Variants in ZNF407 observed in about 807,000 individuals in gnomAD.
ZNF407 encodes zinc finger protein 407.
A neutral mutation model predicts 131.2 loss-of-function variants in ZNF407; 17 were observed. That is an observed-to-expected ratio of 0.13 (90% CI 0.09 to 0.19). The LOEUF (loss-of-function observed/expected upper bound fraction) is 0.19, where lower values mean the gene tolerates loss of function less well. ZNF407 is among the 10% of genes least tolerant of loss of function. The pLI, the probability that ZNF407 is intolerant of heterozygous loss-of-function variation, is 1.00. For missense variants in ZNF407, 2,681 were observed against 2,830.6 expected (o/e 0.95, Z 1.20); for synonymous variants, 1,156 against 1,062.0 (o/e 1.09, Z -1.72).
rs1568134220 is a variant in ZNF407 at position 74,633,377 on chromosome 18, A to G, written c.2358A>G (p.Lys786=). 6.2e-7 allele frequency: 1 copy of G among 1,614,010 alleles called. No homozygotes were observed. The highest frequency in any genetic ancestry group is 8.5e-7 in the Non-Finnish European group (1 of 1,179,900). The change falls in exon 2 of 9, where the codon AAA becomes AAG. Residue 786 remains lysine (K), a synonymous_variant. Coordinates refer to ENST00000299687, the MANE Select transcript of ZNF407 (RefSeq NM_017757.3). ...TATGTATAGGTGCAAATGATAAAAAAGAAGAGTTTGATGTTTCCGGAAATG... is the reference window on the plus strand; with the variant it reads ...TATGTATAGGTGCAAATGATAAAAAGGAAGAGTTTGATGTTTCCGGAAATG... ...ERVCIGANDK[K]EEFDVSGNGR...
chr18:74,865,902 A>G (rs1971003978), intron 4 of ZNF407, among the ~76,000 whole-genome samples: 1 of 152,212 alleles, frequency 6.6e-6, no homozygotes, highest in Admixed American at 6.5e-5. Flanking sequence ...TTTCATTGCC[A>G]GTTACCTCAA....
chr18:74,921,529 A>G (rs1203717256), intron 8 of ZNF407, among the ~76,000 whole-genome samples: 1 of 152,192 alleles, frequency 6.6e-6, no homozygotes, highest in Non-Finnish European at 1.5e-5. Flanking sequence ...GGGACCTGTT[A>G]GAGTTGCTTT....
In ZNF407 at chr18:74,631,953, G is replaced by T. The variant is rs773572221; in HGVS notation, c.934G>T (p.Ala312Ser). Residue 312 changes from alanine (A) to serine (S), a missense_variant, in exon 2 of 9, where the codon GCA becomes TCA. Transcript: ENST00000299687. The stretch of plus-strand genomic sequence containing the variant: ...AAAACCAAGAACTTCTAAATCAATA[G>T]CAAAGAATAGTGATTCAAAAGGATT... ...HSKPRTSKSI[A>S]KNSDSKGLRN... The T allele has an allele frequency of 1.2e-6, 2 of 1,613,784 alleles. No individual in the cohort carries two copies. Among genetic ancestry groups the T allele is most frequent in the African/African-American group, 2.7e-5 (2 of 74,918 alleles).
chr18:75,017,816 G>A (rs889800479), intron 8 of ZNF407, among the ~76,000 whole-genome samples: 3 of 152,078 alleles, frequency 2.0e-5, no homozygotes, highest in African/African-American at 7.2e-5. Flanking sequence ...AGCCAAAGTT[G>A]TTCTTCTGAA....
At chr18:74,622,898 CTG>C (rs1568373399) in intron 1 of ZNF407, among the ~76,000 whole-genome samples, 1 of 151,716 alleles carries the variant, frequency 6.6e-6, no homozygotes. Flanking sequence ...AAGTGCGTGT[CTG>C]TTTTAGTGTG....
intron 8 of ZNF407, among the ~76,000 whole-genome samples, chr18:74,979,462 T>G (rs1972564205): frequency 6.6e-6 from 1 of 152,194 alleles, no homozygotes; most frequent in Admixed American, 6.5e-5. Context: ...TGACTAATTT[T>G]TGTATTTTTA....
intron 1 of ZNF407, among the ~76,000 whole-genome samples, chr18:74,611,895 T>C (rs1354820285): frequency 6.6e-6 from 1 of 152,146 alleles, no homozygotes; most frequent in Admixed American, 6.5e-5. Flanking sequence ...ATGAAAGGTA[T>C]TACCCTAGAG....
At chr18:74,838,325 C>A (rs2145127596) in intron 4 of ZNF407, among the ~76,000 whole-genome samples, 1 of 152,268 alleles carries the variant, frequency 6.6e-6, no homozygotes, top group South Asian at 2.1e-4. Context: ...GGACCTCATG[C>A]CACTGAATGT....
intron 3 of ZNF407, among the ~76,000 whole-genome samples, chr18:74,704,079 T>A (rs1283524691): frequency 1.3e-5 from 2 of 152,192 alleles, no homozygotes; most frequent in Non-Finnish European, 2.9e-5. Flanking sequence ...TCATCTCATG[T>A]GTCCTCCAAG....
chr18:74,806,752 A>G (rs937052380), intron 4 of ZNF407, among the ~76,000 whole-genome samples: 5 of 152,212 alleles, frequency 3.3e-5, no homozygotes, highest in Non-Finnish European at 5.9e-5. Context: ...TATTCAACTA[A>G]AAATATAAGG....
At chr18:74,640,327 G>A (rs1984653957) in intron 2 of ZNF407, among the ~76,000 whole-genome samples, 1 of 151,940 alleles carries the variant, frequency 6.6e-6, no homozygotes, top group African/African-American at 2.4e-5. Context: ...TATGCTTTTT[G>A]TGTTGAAATA....
At chr18:74,898,609 G>A (rs1232168318) in intron 7 of ZNF407, among the ~76,000 whole-genome samples, 1 of 151,714 alleles carries the variant, frequency 6.6e-6, no homozygotes, top group Non-Finnish European at 1.5e-5. Context: ...AATTATTATG[G>A]CCTGAATCTT....
In ZNF407 at chr18:75,039,374, G is replaced by A. The variant is rs536767655; in HGVS notation, c.5429-23776G>A. Among the ~76,000 whole-genome samples the A allele has an allele frequency of 3.9e-5, 6 of 152,226 alleles. No individual in the cohort carries two copies. In the South Asian group the frequency reaches 8.3e-4, roughly 21 times the overall value. On this transcript the variant is annotated intron_variant, in intron 8 of 8. Coordinates refer to ENST00000299687, the MANE Select transcript of ZNF407 (RefSeq NM_017757.3). ...AACCATAATTAGTGCAGTAATTAAC[G>A]TGTGGATCCTTCAAAGGAAGACTGC...
At chr18:75,035,348 G>C (rs1257718647) in intron 8 of ZNF407, among the ~76,000 whole-genome samples, 2 of 152,158 alleles carry the variant, frequency 1.3e-5, no homozygotes, top group African/African-American at 4.8e-5. Context: ...TTAGAGTCCA[G>C]AAATGACATC....
chr18:74,620,932 C>A lies in ZNF407; in HGVS notation c.-53-10035C>A, dbSNP rs1474127158. Among the ~76,000 whole-genome samples, 5 of 152,288 alleles carry A rather than the reference C, an allele frequency of 3.3e-5. No individual in the cohort carries two copies. In the South Asian group the frequency reaches 8.3e-4, roughly 25 times the overall value. Reference sequence around the variant, plus strand: ...AGGCTGCTGAAATGTCTGAGCCAAGCTGGCAAGGAACACATGATCAGTTAC... The same window carrying A: ...AGGCTGCTGAAATGTCTGAGCCAAGATGGCAAGGAACACATGATCAGTTAC... On this transcript the variant is annotated intron_variant, in intron 1 of 8. Coordinates refer to ENST00000299687, the MANE Select transcript of ZNF407 (RefSeq NM_017757.3).
intron 6 of ZNF407, among the ~76,000 whole-genome samples, chr18:74,881,887 G>A (rs1196317245): frequency 2.0e-5 from 3 of 152,186 alleles, no homozygotes; most frequent in African/African-American, 4.8e-5. Flanking sequence ...ACAGTTCCAC[G>A]TGGCTCAGGA....
chr18:74,648,285 C>A (rs1985065892), intron 3 of ZNF407, among the ~76,000 whole-genome samples: 1 of 152,086 alleles, frequency 6.6e-6, no homozygotes, highest in Non-Finnish European at 1.5e-5. Context: ...GCAGGATCAA[C>A]CATGGCGTGC....
intron 3 of ZNF407, among the ~76,000 whole-genome samples, chr18:74,723,352 A>G (rs1319241764): frequency 6.6e-6 from 1 of 152,116 alleles, no homozygotes; most frequent in Non-Finnish European, 1.5e-5. Flanking sequence ...TGTAGAATAC[A>G]TTTGTATTGC....
intron 4 of ZNF407, among the ~76,000 whole-genome samples, chr18:74,810,748 G>A (rs1452418798): frequency 6.6e-6 from 1 of 152,100 alleles, no homozygotes; most frequent in Non-Finnish European, 1.5e-5. Context: ...TAAGCAATGG[G>A]GAAAGGATTC....
Sources: gnomAD v4.1 joint callset for allele counts (sites outside exome capture counted in the v4.1 genomes callset) on GRCh38, gnomAD v4.1.1 for gene constraint, MANE v1.5 for transcripts, NCBI Gene and HGNC (gene_info 2026-07-23, HGNC 2026-07-21) for gene names.